The following DMD variants were observed in gnomAD, a reference collection of about 807,000 sequenced individuals.
DMD encodes the protein dystrophin.
DMD carries 63 observed loss-of-function variants against 330.1 expected under a neutral mutation model. The observed-to-expected ratio is 0.19, with a 90% CI of 0.16 to 0.24. The LOEUF is 0.24. Among genes scored for constraint, DMD ranks in the 10% least tolerant of loss-of-function variants. The pLI, the probability that DMD is intolerant of heterozygous loss-of-function variation, is 1.00. For missense variants in DMD, 3,344 were observed against 2,684.1 expected, an observed-to-expected ratio of 1.25 and a Z score of -5.43; for synonymous variants, 1,223 against 959.8, an observed-to-expected ratio of 1.27 and a Z score of -5.07.
intron 59 of DMD, among the ~76,000 whole-genome samples, chrX:31,452,367 G>A (rs1260520560): frequency 9.1e-6 from 1 of 109,471 alleles, no homozygotes; most frequent in Non-Finnish European, 1.9e-5. Context: ...TGGATCACCT[G>A]AGGTCAGGAG....
chrX:32,080,275 C>T lies in DMD; in HGVS notation c.6439-111761G>A, dbSNP rs375840055. On this transcript the variant is annotated intron_variant, in intron 44 of 78. Transcript: ENST00000357033. Reference sequence around the variant, plus strand: ...GGCTGCAAACAACAAGGAGAGGCACCTCCTTCTGTAATCACAGTGTTGCTA... The same window carrying T: ...GGCTGCAAACAACAAGGAGAGGCACTTCCTTCTGTAATCACAGTGTTGCTA... 3.6e-5 allele frequency among the ~76,000 whole-genome samples: 4 copies of T among 112,319 alleles called. No homozygotes were observed. The East Asian group carries it at 8.4e-4, about 24-fold the overall frequency.
intron 1 of DMD, among the ~76,000 whole-genome samples, chrX:33,183,044 T>A (rs1009335332): frequency 4.5e-5 from 5 of 112,017 alleles, no homozygotes; most frequent in African/African-American, 6.5e-5. Context: ...TTTATAGTGA[T>A]GTAATGGGCT....
chrX:31,164,026 G>A (rs759063594), intron 74 of DMD, among the ~76,000 whole-genome samples: 1 of 111,793 alleles, frequency 8.9e-6, no homozygotes, highest in East Asian at 2.8e-4. Flanking sequence ...GTTGGAGAAG[G>A]ATTCACTTTT....
chrX:32,592,452 C>G (rs2055028638), intron 13 of DMD, among the ~76,000 whole-genome samples: 1 of 110,964 alleles, frequency 9.0e-6, no homozygotes, highest in African/African-American at 3.3e-5. Context: ...AAGGAGCCAC[C>G]CACCATGGGT....
intron 44 of DMD, among the ~76,000 whole-genome samples, chrX:32,190,315 T>C (rs2096967445): frequency 9.2e-6 from 1 of 109,289 alleles, no homozygotes; most frequent in Non-Finnish European, 1.9e-5. Context: ...TGTACACCCA[T>C]TCACTGCTTT....
rs143233198 is a variant in DMD at position 32,844,298 on chromosome X, C to T, written c.264+485G>A. ...GCATGTGCCTGTAATCCCAGCTACT[C>T]GGGAGGCTGAGACAGGAGAATAGCT... On this transcript the variant is annotated intron_variant, in intron 4 of 78. Transcript: ENST00000357033. Among the ~76,000 whole-genome samples, 6 of 108,285 alleles carry T rather than the reference C, an allele frequency of 5.5e-5. No homozygotes were observed. In the East Asian group the frequency reaches 8.8e-4, roughly 16 times the overall value. 94.0% of individuals were successfully genotyped at this position (108,285 alleles called of 115,157 possible).
intron 53 of DMD, among the ~76,000 whole-genome samples, chrX:31,671,313 T>C (rs1287472399): frequency 8.9e-6 from 1 of 112,597 alleles, no homozygotes; most frequent in African/African-American, 3.2e-5. Flanking sequence ...GTGATGACCA[T>C]ACGATTTTTG....
At chrX:33,023,820 T>C (rs1180856213) in intron 1 of DMD, among the ~76,000 whole-genome samples, 1 of 111,500 alleles carries the variant, frequency 9.0e-6, no homozygotes, top group Non-Finnish European at 1.9e-5. Context: ...TATTTGCATA[T>C]AGTTTCATAG....
chrX:32,716,394 C>T (rs1326222193), intron 7 of DMD, among the ~76,000 whole-genome samples: 1 of 110,895 alleles, frequency 9.0e-6, no homozygotes, highest in African/African-American at 3.3e-5. Flanking sequence ...ATAAGATGTG[C>T]CTGCTTCCCC....
intron 1 of DMD, among the ~76,000 whole-genome samples, chrX:33,164,933 T>C (rs1358809430): frequency 3.2e-4 from 35 of 109,069 alleles, no homozygotes; most frequent in African/African-American, 9.0e-4. Flanking sequence ...TCTTTCTTTT[T>C]TTTTTTTTTT....
intron 49 of DMD, among the ~76,000 whole-genome samples, chrX:31,822,787 G>T (rs1242870751): frequency 1.8e-5 from 2 of 108,769 alleles, no homozygotes; most frequent in African/African-American, 6.7e-5. Flanking sequence ...CCAGTTGTGG[G>T]ATATGATGAG....
At chrX:31,737,913 G>A (rs892382222) in intron 51 of DMD, among the ~76,000 whole-genome samples, 4 of 111,374 alleles carry the variant, frequency 3.6e-5, no homozygotes, top group Non-Finnish European at 7.5e-5. Flanking sequence ...GCCTCAAATG[G>A]GCTGGTTAGA....
At chrX:32,376,797 G>A (rs749884903) in intron 34 of DMD, among the ~76,000 whole-genome samples, 1 of 110,053 alleles carries the variant, frequency 9.1e-6, no homozygotes, top group South Asian at 3.9e-4. Context: ...TTGATAAACC[G>A]CATTGGTGAC....
chrX:31,857,356 G>A, intron 48 of DMD, among the ~76,000 whole-genome samples: 1 of 80,548 alleles, frequency 1.2e-5, no homozygotes, highest in East Asian at 4.3e-4. Flanking sequence ...TCCAGCCTGG[G>A]TGATGGAGCA....
chrX:32,806,328 T>TAA (rs200644852), intron 7 of DMD, among the ~76,000 whole-genome samples: 123 of 107,714 alleles, frequency 1.1e-3, no homozygotes, highest in African/African-American at 4.3e-3. Context: ...AACAAAGATT[T>TAA]AAAAAAAACA....
At chrX:31,650,128 T>A (rs1353628) in intron 54 of DMD, among the ~76,000 whole-genome samples, 13,370 of 101,065 alleles carry the variant, frequency 0.13, 894 homozygotes, top group East Asian at 0.23. Context: ...TTTTTTTTTT[T>A]ATGTTTTGTA....
At chrX:32,275,833 C>G (rs906073265) in intron 43 of DMD, among the ~76,000 whole-genome samples, 14 of 111,417 alleles carry the variant, frequency 1.3e-4, no homozygotes, top group Non-Finnish European at 1.9e-5. Flanking sequence ...GCCTATATAA[C>G]TAATCTCCCT....
intron 11 of DMD, among the ~76,000 whole-genome samples, chrX:32,634,543 T>A (rs1244525868): frequency 1.8e-5 from 2 of 111,798 alleles, no homozygotes; most frequent in Non-Finnish European, 3.8e-5. Context: ...GTCCCTTTGG[T>A]CAGCATGTCA....
intron 1 of DMD, among the ~76,000 whole-genome samples, chrX:33,179,443 C>CA (rs1170243314): frequency 1.8e-5 from 2 of 111,116 alleles, no homozygotes; most frequent in Non-Finnish European, 3.8e-5. Context: ...ACTGTAATCT[C>CA]AGCACTTTGG....
Sources: gnomAD v4.1 joint callset for allele counts (sites outside exome capture counted in the v4.1 genomes callset) on GRCh38, gnomAD v4.1.1 for gene constraint, MANE v1.5 for transcripts, NCBI Gene and HGNC (gene_info 2026-07-23, HGNC 2026-07-21) for gene names.